SZT2: variants seen among roughly 807,000 people sequenced by gnomAD.
SZT2 encodes the protein KICSTOR complex protein SZT2.
In SZT2, 216 loss-of-function variants were observed where a neutral mutation model predicts 404.2. The observed-to-expected ratio is 0.53, with a 90% confidence interval of 0.48 to 0.60. The LOEUF (loss-of-function observed/expected upper bound fraction) is 0.60. SZT2 is among the 20% of genes least tolerant of loss of function. The pLI, the probability that SZT2 is intolerant of heterozygous loss-of-function variation, is 0.00. For missense variants in SZT2, 3,857 were observed against 4,459.2 expected (o/e 0.86, Z 3.85); for synonymous variants, 1,693 against 1,749.9 (o/e 0.97, Z 0.81).
Position 43,404,466 on chromosome 1 carries a change from G to C in SZT2, c.414G>C (p.Val138=). ...GCGGGCTGCTTCGGCCCTTCCGAGTGCCTGGATCTTGCATCGACTTCCAGC... is the reference window on the plus strand; with the variant it reads ...GCGGGCTGCTTCGGCCCTTCCGAGTCCCTGGATCTTGCATCGACTTCCAGC... ...CLGGLLRPFR[V]PGSCIDFQPE... is the part of the protein sequence containing the mutation. The change falls in exon 4 of 72, where the codon GTG becomes GTC. Residue 138 remains valine, a synonymous_variant. Transcript: ENST00000634258. 1.2e-6 allele frequency: 2 copies of C among 1,614,002 alleles called. No individual in the cohort carries two copies. Among genetic ancestry groups the C allele is most frequent in the African/African-American group, 1.3e-5 (1 of 75,034 alleles).
intron 65 of SZT2, 121 bp downstream of exon 65, chr1:43,446,537 T>G: frequency 8.3e-7 from 1 of 1,207,362 alleles, no homozygotes; most frequent in Non-Finnish European, 1.2e-6. Flanking sequence ...AGTGATTGAT[T>G]CACTGCTATG....
intron 1 of SZT2, among the ~76,000 whole-genome samples, chr1:43,400,288 A>C (rs1396773552): frequency 1.3e-5 from 2 of 152,192 alleles, no homozygotes; most frequent in African/African-American, 2.4e-5. Flanking sequence ...ACGCAAGTGC[A>C]ACATATTGAT....
In SZT2 at chr1:43,447,546, G is replaced by C; in HGVS notation, c.9288G>C (p.Gly3096=). The change falls in exon 67 of 72, where the codon GGG becomes GGC. Residue 3096 remains glycine, a splice_region_variant and synonymous_variant. Coordinates refer to ENST00000634258, the MANE Select transcript of SZT2 (RefSeq NM_001365999.1). ...PHFGRNHIYQ[G]TLELPTPLIA... ...TGTCTCCTGTTACTTATCCCTCAGG[G>C]ACATTGGAGCTCCCCACACCACTCA... is the stretch of plus-strand genomic sequence containing the variant. 1.9e-6 allele frequency: 3 copies of C among 1,613,712 alleles called. No individual in the cohort carries two copies. Among genetic ancestry groups the C allele is most frequent in the Non-Finnish European group, 1.7e-6 (2 of 1,179,904 alleles).
chr1:43,398,452 C>CA (rs780126291), intron 1 of SZT2, among the ~76,000 whole-genome samples: 1 of 152,086 alleles, frequency 6.6e-6, no homozygotes, highest in East Asian at 1.9e-4. Context: ...CATCCCTTAA[C>CA]AAAAAAATTC....
At chr1:43,432,134 A>G in intron 36 of SZT2, 138 bp from the exon 37 acceptor site, 1 of 1,136,516 alleles carries the variant, frequency 8.8e-7, no homozygotes, top group South Asian at 1.5e-5. Context: ...AAGTCACTGA[A>G]TCTTTTCTTA....
chr1:43,424,654 TA>T lies in SZT2; in HGVS notation c.2472-128del. 1.1e-6 allele frequency: 1 copy of T among 903,902 alleles called. No homozygotes were observed. Among genetic ancestry groups the T allele is most frequent in the Non-Finnish European group, 1.7e-6 (1 of 584,296 alleles). The allele number at this position is 903,902 out of a possible 1,614,324, so 56.0% of individuals were successfully genotyped here. A position where few individuals can be genotyped will look rare whatever the true frequency, so the allele number is the denominator to read the frequency against. On this transcript the variant is annotated intron_variant, in intron 16 of 71. Transcript: ENST00000634258. This position sits in a 1 kb window ranked among gnomAD's most constrained non-coding sequence, Gnocchi z 4.1. ...GTTATACCCTGAGGGACCGCCAGTCTAAGCAGGGCCAGCAGCAGACTTGGCT... is the reference window on the plus strand; with the variant it reads ...GTTATACCCTGAGGGACCGCCAGTCTAGCAGGGCCAGCAGCAGACTTGGCT...
At position 43,452,109 on chromosome 1, in the gene SZT2, T is replaced by A; in HGVS notation, c.*1629T>A. On this transcript the variant is annotated 3_prime_UTR_variant, in exon 72 of 72. Coordinates refer to ENST00000634258, the MANE Select transcript of SZT2 (RefSeq NM_001365999.1). ...AAGGCCCTCACCTGTTCCTCTGACC[T>A]AGGCTGGCAGCCTCACGTGCTGTCC... The A allele has an allele frequency of 6.6e-7, 1 of 1,503,786 alleles. No homozygotes were observed. The highest frequency in any genetic ancestry group is 1.2e-5 in the South Asian group (1 of 85,520). 93.2% of individuals were successfully genotyped at this position (1,503,786 alleles called of 1,614,324 possible). A position where few individuals can be genotyped will look rare whatever the true frequency, so the allele number is the denominator to read the frequency against.
rs1272449263 is a variant in SZT2, at chr1:43,430,304, T to C, written c.4402-7T>C. The C allele has an allele frequency of 5.6e-6, 9 of 1,613,688 alleles. No homozygotes were observed. The highest frequency in any genetic ancestry group is 7.6e-6 in the Non-Finnish European group (9 of 1,179,918). On this transcript the variant is annotated splice_polypyrimidine_tract_variant and splice_region_variant and intron_variant, in intron 30 of 71. Transcript: ENST00000634258. ...GCCTCATCATCTTGCTTCATTCTTT[T>C]GCCTAGGATGAGGGGCCTCGGGACA...
In SZT2 at chr1:43,446,703, A is replaced by T. The variant is rs569495761; in HGVS notation, c.9073-252A>T. 231 of 615,656 alleles carry T rather than the reference A, an allele frequency of 3.8e-4. 3 individuals are homozygous for T. The South Asian group carries it at 4.4e-3, about 12-fold the overall frequency. The allele number at this position is 615,656 out of a possible 1,614,324, so 38.1% of individuals were successfully genotyped here. A position where few individuals can be genotyped will look rare whatever the true frequency, so the allele number is the denominator to read the frequency against. On this transcript the variant is annotated intron_variant, in intron 65 of 71. Transcript: ENST00000634258. The stretch of plus-strand genomic sequence containing the variant: ...TAGAGTCTGTGGCAGACCCTGATGG[A>T]ATCTGGGATAGAGCAAAATGGCCCA...
chr1:43,412,959 G>A (rs972714879), intron 4 of SZT2, among the ~76,000 whole-genome samples: 1 of 152,114 alleles, frequency 6.6e-6, no homozygotes, highest in African/African-American at 2.4e-5. Context: ...CTGCAATGAG[G>A]TATCATTTCA....
rs1357369309 is a variant in SZT2 at position 43,441,232 on chromosome 1, G to A, written c.7363G>A (p.Asp2455Asn). Residue 2455 changes from aspartate (D) to asparagine (N), a missense_variant, in exon 53 of 72, where the codon GAT (aspartate) becomes AAT (asparagine). Asp to Asn is a conservative substitution (Grantham distance 23). Transcript: ENST00000634258. This position sits in a 1 kb window ranked among gnomAD's most constrained non-coding sequence, Gnocchi z 4.8. ...WDMLSKTECG[D>N]LGSPKTTDDI... ...CCCCCAGAGTAAAACAGAATGTGGG[G>A]ATTTGGGTTCCCCCAAAACAACTGA... The A allele has an allele frequency of 6.2e-7, 1 of 1,614,052 alleles. No homozygotes were observed. The highest frequency in any genetic ancestry group is 8.5e-7 in the Non-Finnish European group (1 of 1,180,018).
chr1:43,445,663 C>G (rs1655577279), intron 62 of SZT2: 1 of 599,200 alleles, frequency 1.7e-6, no homozygotes, highest in African/African-American at 1.8e-5. Flanking sequence ...CTCCACCTCC[C>G]CACTGAGCAC....
chr1:43,441,812 A>C lies in SZT2; in HGVS notation c.7736A>C (p.Gln2579Pro), dbSNP rs558569648. The C allele has an allele frequency of 1.9e-6, 3 of 1,614,186 alleles. No homozygotes were observed. In the South Asian group the frequency reaches 3.3e-5, roughly 18 times the overall value. The change falls in exon 55 of 72, where the codon CAG becomes CCG. Residue 2579 changes from glutamine (Q) to proline (P), a missense_variant. Physicochemically the swap from Gln to Pro is moderately conservative, Grantham distance 76. Coordinates refer to ENST00000634258, the MANE Select transcript of SZT2 (RefSeq NM_001365999.1). This position sits in a 1 kb window ranked among gnomAD's most constrained non-coding sequence, Gnocchi z 4.8. ...GACACCAGTGTCCGCATCTTTGAGCAGCATTTGTGAGTGTAGATCCTATAG... is the reference window on the plus strand; with the variant it reads ...GACACCAGTGTCCGCATCTTTGAGCCGCATTTGTGAGTGTAGATCCTATAG... ...AGDTSVRIFE[Q>P]HLGSEPEIFG...
intron 2 of SZT2, 76 bp from the exon 3 acceptor site, chr1:43,403,525 G>A (rs1052701359): frequency 5.9e-6 from 9 of 1,522,232 alleles, no homozygotes; most frequent in African/African-American, 2.7e-5. Flanking sequence ...GTGTCATTTG[G>A]GATATAGAAG....
Position 43,442,512 on chromosome 1 carries a change from T to C in SZT2, c.8045T>C (p.Val2682Ala). Reference sequence around the variant, plus strand: ...TTGGGCCGAGCGCTGGTTCGCCTGGTGCAGTGGCAGAATGCACGAGCCCAT... The same window carrying C: ...TTGGGCCGAGCGCTGGTTCGCCTGGCGCAGTGGCAGAATGCACGAGCCCAT... ...AALGRALVRL[V>A]QWQNARAHLI... Residue 2682 changes from valine to alanine, a missense_variant, in exon 58 of 72, where the codon GTG becomes GCG. Physicochemically the swap from Val to Ala is moderately conservative, Grantham distance 64. Coordinates refer to ENST00000634258, the MANE Select transcript of SZT2 (RefSeq NM_001365999.1). The surrounding 1 kb of genome is among the most constrained non-coding windows in gnomAD (Gnocchi z 4.5). 2 of 1,614,174 alleles carry C rather than the reference T, an allele frequency of 1.2e-6. No homozygotes were observed. Among genetic ancestry groups the C allele is most frequent in the Non-Finnish European group, 1.7e-6 (2 of 1,180,016 alleles).
chr1:43,390,459 C>A (rs368640294), intron 1 of SZT2, among the ~76,000 whole-genome samples: 1 of 152,196 alleles, frequency 6.6e-6, no homozygotes, highest in African/African-American at 2.4e-5. Flanking sequence ...TTGAGTCGGA[C>A]TGAGACCTCG....
intron 47 of SZT2, 29 bp downstream of exon 47, chr1:43,438,846 T>G: frequency 6.2e-7 from 1 of 1,611,506 alleles, no homozygotes; most frequent in East Asian, 2.2e-5. Context: ...ACCAGCATCC[T>G]TCCCAGACTC....
At chr1:43,438,654 G>A in intron 46 of SZT2, 45 bp from the exon 47 acceptor site, 1 of 1,575,002 alleles carries the variant, frequency 6.3e-7, no homozygotes, top group Non-Finnish European at 8.7e-7. Flanking sequence ...GAGGTAGCTG[G>A]ATCCTCTACC....
Position 43,442,661 on chromosome 1 carries a change from G to A in SZT2, c.8151+43G>A. 1.3e-6 allele frequency: 2 copies of A among 1,553,908 alleles called. No individual in the cohort carries two copies. Among genetic ancestry groups the A allele is most frequent in the African/African-American group, 2.7e-5 (2 of 73,612 alleles). On this transcript the variant is annotated intron_variant, in intron 58 of 71. Transcript: ENST00000634258. This position sits in a 1 kb window ranked among gnomAD's most constrained non-coding sequence, Gnocchi z 4.5. Reference sequence around the variant, plus strand: ...TCTTCCTATAGTTTTGGCTACTGAGGGGTCAGTTAAAGGAAAAACCAGCTC... The same window carrying A: ...TCTTCCTATAGTTTTGGCTACTGAGAGGTCAGTTAAAGGAAAAACCAGCTC...
Sources: allele counts gnomAD v4.1 joint callset (sites outside exome capture counted in the v4.1 genomes callset), GRCh38; gene constraint gnomAD v4.1.1; non-coding constraint Gnocchi (gnomAD v3.1); transcripts MANE v1.5; gene names NCBI Gene and HGNC (gene_info 2026-07-23, HGNC 2026-07-21).